The following TULP2 variants were observed in gnomAD, a reference collection of about 807,000 sequenced individuals.
TULP2 encodes the protein TUB like protein 2.
TULP2 carries 64 observed loss-of-function variants against 60.3 expected under a neutral mutation model. The ratio of observed to expected loss-of-function variants is 1.06; its 90% CI spans 0.87 to 1.31. TULP2 has a LOEUF of 1.31. Ranked by LOEUF, TULP2 falls within the 50% of genes most tolerant of loss-of-function variation. The pLI is 0.00. For missense variants in TULP2, 652 were observed against 667.0 expected (o/e 0.98, Z 0.25); for synonymous variants, 267 against 265.4 (o/e 1.01, Z -0.06).
intron 11 of TULP2, among the ~76,000 whole-genome samples, chr19:48,883,430 G>T (rs2037152357): frequency 6.6e-6 from 1 of 152,018 alleles, no homozygotes; most frequent in Admixed American, 6.6e-5. Context: ...TAATAAACTT[G>T]CTTTCACTTG....
In TULP2 at chr19:48,888,250, C is replaced by G. The variant is rs752771250; in HGVS notation, c.648G>C (p.Leu216Phe). The part of the protein sequence containing the change: ...ENLAFQKEED[L>F]EKKREASEST... Reference sequence around the variant, plus strand: ...ACTCAGAGGCCTCTCTCTTCTTTTCCAAGTCTTCTTCCTAGCCCAGGCACC... The same window carrying G: ...ACTCAGAGGCCTCTCTCTTCTTTTCGAAGTCTTCTTCCTAGCCCAGGCACC... Residue 216 changes from leucine (L) to phenylalanine (F), a missense_variant, in exon 8 of 13, where the codon TTG becomes TTC. Transcript: ENST00000221399. The G allele has an allele frequency of 1.6e-5, 25 of 1,590,956 alleles. No homozygotes were observed. The highest frequency in any genetic ancestry group is 2.1e-5 in the Non-Finnish European group (25 of 1,164,108).
chr19:48,895,211 A>C (rs758926921), intron 5 of TULP2, 49 bp from the exon 6 acceptor site: 29 of 1,594,514 alleles, frequency 1.8e-5, no homozygotes, highest in Middle Eastern at 1.7e-4. Flanking sequence ...CTGCAGGAGG[A>C]GGCGGCTCAG....
At chr19:48,891,732 C>T (rs148999194) in intron 6 of TULP2, among the ~76,000 whole-genome samples, 2 of 152,276 alleles carry the variant, frequency 1.3e-5, no homozygotes, top group East Asian at 1.9e-4. Context: ...ACCAGTGCTC[C>T]GCAAGTGAGG....
In TULP2 at chr19:48,895,348, C is replaced by T. The variant is rs781470412; in HGVS notation, c.349+18G>A. The stretch of plus-strand genomic sequence containing the variant: ...GACGGAGTTCTGGGGTCTAGGAGGT[C>T]GGTGGACTCGCAAATACCTGCTTCT... On this transcript the variant is annotated intron_variant, in intron 5 of 12. Coordinates refer to ENST00000221399, the MANE Select transcript of TULP2 (RefSeq NM_003323.3). The T allele has an allele frequency of 1.9e-6, 3 of 1,611,876 alleles. No homozygotes were observed. The highest frequency in any genetic ancestry group is 2.5e-6 in the Non-Finnish European group (3 of 1,178,664).
In TULP2 at chr19:48,889,546, A is replaced by G; in HGVS notation, c.600T>C (p.Asp200=). 2 of 1,584,604 alleles carry G rather than the reference A, an allele frequency of 1.3e-6. No homozygotes were observed. The highest frequency in any genetic ancestry group is 2.2e-5 in the South Asian group (2 of 89,220). ...SPNMGPNPGM[D]GDCVYENLAF... ...CCAAGTTTTCATATACACAGTCACC[A>G]TCCATTCCAGGGTTTGGTCCCATAT... is the stretch of plus-strand genomic sequence containing the variant. Residue 200 remains aspartate (D), a synonymous_variant, in exon 7 of 13, where the codon GAT becomes GAC. Transcript: ENST00000221399.
Position 48,897,413 on chromosome 19 carries a change from C to T in TULP2, c.33-17G>A, listed in dbSNP as rs780226057. On this transcript the variant is annotated splice_polypyrimidine_tract_variant and intron_variant, in intron 2 of 12. Transcript: ENST00000221399. The surrounding 1 kb of genome is among the most constrained non-coding windows in gnomAD (Gnocchi z 4.0). ...CCCAGGATGCTGAGAGAGACACAGG[C>T]CCATGGTGACAGTGCACAGGGAACC... 6.8e-6 allele frequency: 11 copies of T among 1,613,166 alleles called. No homozygotes were observed. The highest frequency in any genetic ancestry group is 3.3e-5 in the South Asian group (3 of 90,900).
rs148376685 is a variant in TULP2, at chr19:48,889,195, C to T, written c.636+315G>A. 1.9e-3 allele frequency among the ~76,000 whole-genome samples: 279 copies of T among 148,522 alleles called. 1 individual carries two copies. The East Asian group carries it at 0.055, about 29-fold the overall frequency. Reference sequence around the variant, plus strand: ...TTCACCACGTTGGCCAGGCTGGTCACGAACTCCTGACCTCAAGTGATCTGC... The same window carrying T: ...TTCACCACGTTGGCCAGGCTGGTCATGAACTCCTGACCTCAAGTGATCTGC... On this transcript the variant is annotated intron_variant, in intron 7 of 12. Coordinates refer to ENST00000221399, the MANE Select transcript of TULP2 (RefSeq NM_003323.3).
In TULP2 at chr19:48,883,833, T is replaced by C. The variant is rs1184679005; in HGVS notation, c.1196A>G (p.Tyr399Cys). 1 of 1,614,114 alleles carries C rather than the reference T, an allele frequency of 6.2e-7. No individual in the cohort carries two copies. The highest frequency in any genetic ancestry group is 8.5e-7 in the Non-Finnish European group (1 of 1,180,020). ...CACAGTCATTTTCCGAGGCCCCAGG[T>C]ATCCTAAGACGTTGGGCTCCTGGGG... ...AVCYEPNVLGYLGPRKMTVIL... is the reference protein window; with the variant it reads ...AVCYEPNVLGCLGPRKMTVIL... Residue 399 changes from tyrosine to cysteine, a missense_variant, in exon 11 of 13, where the codon TAC becomes TGC. Transcript: ENST00000221399.
intron 4 of TULP2, 79 bp downstream of exon 4, chr19:48,896,351 C>G: frequency 1.3e-6 from 2 of 1,491,820 alleles, no homozygotes; most frequent in Non-Finnish European, 1.8e-6. Flanking sequence ...GGCTCCACCC[C>G]TTCATCCACT....
In TULP2 at chr19:48,895,028, G is replaced by A. The variant is rs751364997; in HGVS notation, c.484C>T (p.Arg162Cys). ...PPFKQSPRIRRKGWQAHQRPG... is the reference protein window; with the variant it reads ...PPFKQSPRIRCKGWQAHQRPG... ...CGTTGGTGGGCTTGCCAACCCTTGC[G>A]TCGGATTCTCGGAGACTGTTTAAAA... The change falls in exon 6 of 13, where the codon CGC (arginine) becomes TGC (cysteine). Residue 162 changes from arginine to cysteine, a missense_variant. Coordinates refer to ENST00000221399, the MANE Select transcript of TULP2 (RefSeq NM_003323.3). The A allele has an allele frequency of 6.2e-7, 1 of 1,613,738 alleles. No individual in the cohort carries two copies. The highest frequency in any genetic ancestry group is 8.5e-7 in the Non-Finnish European group (1 of 1,179,894).
rs2037197613 is a variant in TULP2, at chr19:48,887,996, A to T, written c.902T>A (p.Leu301Ter). 1 of 1,614,042 alleles carries T rather than the reference A, an allele frequency of 6.2e-7. No homozygotes were observed. ...TRDKHGVDKGLFPLYYLYLET... is the reference protein window; with the variant it reads ...TRDKHGVDKG ...CAGGTAGAGGTAGTAGAGGGGGAAC[A>T]AGCCCTTGTCCACGCCGTGCTTGTC... Residue 301 changes from leucine (L) to a stop codon, truncating the protein, a stop_gained, in exon 8 of 13, where the codon TTG (leucine) becomes TAG (stop). Transcript: ENST00000221399. LOFTEE classifies it high-confidence loss of function.
At position 48,889,624 on chromosome 19, in the gene TULP2, A is replaced by G. The variant is rs1395534334; in HGVS notation, c.522T>C (p.Arg174=). ...GWQAHQRPGT[R]AEGESDSQDM... Reference sequence around the variant, plus strand: ...CCTGGGAGTCACTCTCACCCTCTGCACGGGTCCCTAATGTGGGGAAAAGCA... The same window carrying G: ...CCTGGGAGTCACTCTCACCCTCTGCGCGGGTCCCTAATGTGGGGAAAAGCA... The change falls in exon 7 of 13, where the codon CGT becomes CGC. Residue 174 remains arginine (R), a synonymous_variant. Transcript: ENST00000221399. The G allele has an allele frequency of 6.3e-7, 1 of 1,579,010 alleles. No homozygotes were observed. The highest frequency in any genetic ancestry group is 8.7e-7 in the Non-Finnish European group (1 of 1,153,510).
At chr19:48,892,506 T>G (rs1000991612) in intron 6 of TULP2, among the ~76,000 whole-genome samples, 4 of 150,506 alleles carry the variant, frequency 2.7e-5, no homozygotes, top group Non-Finnish European at 5.9e-5. Flanking sequence ...CAGTTTTTCT[T>G]TTTTTTTTTG....
rs146654301 is a variant in TULP2, at chr19:48,887,992, G to A, written c.906C>T (p.Phe302=). The A allele has an allele frequency of 1.1e-5, 18 of 1,614,016 alleles. No individual in the cohort carries two copies. In the African/African-American group the frequency reaches 2.0e-4, roughly 18 times the overall value. The change falls in exon 8 of 13, where the codon TTC becomes TTT. Residue 302 remains phenylalanine, a synonymous_variant. Transcript: ENST00000221399. ...RDKHGVDKGL[F]PLYYLYLETS... is the part of the protein sequence containing the mutation. ...TCTCCAGGTAGAGGTAGTAGAGGGGGAACAAGCCCTTGTCCACGCCGTGCT... is the reference window on the plus strand; with the variant it reads ...TCTCCAGGTAGAGGTAGTAGAGGGGAAACAAGCCCTTGTCCACGCCGTGCT...
chr19:48,893,567 T>C (rs1347363126), intron 6 of TULP2, among the ~76,000 whole-genome samples: 2 of 152,064 alleles, frequency 1.3e-5, no homozygotes, highest in Non-Finnish European at 2.9e-5. Flanking sequence ...CTTTTTTTTT[T>C]CCTTGAGACA....
intron 12 of TULP2, 67 bp from the exon 13 acceptor site, chr19:48,881,193 CTTTTTTTTTT>C: frequency 3.4e-6 from 1 of 293,946 alleles, no homozygotes; most frequent in Non-Finnish European, 5.7e-6. Context: ...AGAACTGAGA[CTTTTTTTTTT>C]TTTTTTTCTT....
Position 48,897,361 on chromosome 19 carries a change from T to C in TULP2, c.68A>G (p.Gln23Arg). ...LGHELAAMRL[Q>R]KLEQQRRLFE... ...GCACAATACCTGCTGTTCCAGCTTC[T>C]GCAGCCTCATAGCAGCGAGCTCATG... Residue 23 changes from glutamine to arginine, a missense_variant, in exon 3 of 13, where the codon CAG becomes CGG. Gln to Arg is a conservative substitution (Grantham distance 43, BLOSUM62 1). Transcript: ENST00000221399. This position sits in a 1 kb window ranked among gnomAD's most constrained non-coding sequence, Gnocchi z 4.0. 15 of 1,613,884 alleles carry C rather than the reference T, an allele frequency of 9.3e-6. No individual in the cohort carries two copies. Among genetic ancestry groups the C allele is most frequent in the Non-Finnish European group, 1.3e-5 (15 of 1,179,910 alleles).
At chr19:48,887,479 C>T (rs1032612530) in intron 8 of TULP2, among the ~76,000 whole-genome samples, 1 of 151,572 alleles carries the variant, frequency 6.6e-6, no homozygotes, top group Non-Finnish European at 1.5e-5. Flanking sequence ...CACATACCAC[C>T]ATGCCCAACC....
Position 48,896,414 on chromosome 19 carries a change from AG to A in TULP2, c.211+15del. 1 of 1,591,140 alleles carries A rather than the reference AG, an allele frequency of 6.3e-7. No homozygotes were observed. Reference sequence around the variant, plus strand: ...CCCTCCCCTCCAGGCGAACGCCCCCAGGGGTCTTTGGTCACCTCTGTCACCT... The same window carrying A: ...CCCTCCCCTCCAGGCGAACGCCCCCAGGGTCTTTGGTCACCTCTGTCACCT... On this transcript the variant is annotated intron_variant, in intron 4 of 12. Transcript: ENST00000221399.
Sources: gnomAD v4.1 joint callset for allele counts (sites outside exome capture counted in the v4.1 genomes callset) on GRCh38, gnomAD v4.1.1 for gene constraint, Gnocchi (gnomAD v3.1) non-coding constraint, MANE v1.5 for transcripts, NCBI Gene and HGNC (gene_info 2026-07-23, HGNC 2026-07-21) for gene names.